CEP76: variants seen among roughly 807,000 people sequenced by gnomAD.
The protein encoded by CEP76 is centrosomal protein of 76 kDa.
Under a neutral mutation model 83.3 loss-of-function variants are expected in CEP76, and 55 were observed. The observed-to-expected ratio is 0.66, with a 90% CI of 0.53 to 0.83. The LOEUF (loss-of-function observed/expected upper bound fraction) is 0.83, where lower values mean the gene tolerates loss of function less well. Among genes scored for constraint, CEP76 ranks in the 40% least tolerant of loss-of-function variants. CEP76 has a pLI of 0.00. For missense variants in CEP76, 694 were observed against 799.5 expected, an observed-to-expected ratio of 0.87 and a Z score of 1.59; for synonymous variants, 270 against 274.5, an observed-to-expected ratio of 0.98 and a Z score of 0.16.
At chr18:12,669,865 C>T (rs1479084105), downstream of CEP76, among the ~76,000 whole-genome samples, 4 of 151,942 alleles carry the variant, frequency 2.6e-5, no homozygotes, top group East Asian at 1.9e-4. Context: ...AGTGTGGTGG[C>T]GCATGCCTGT....
intron 10 of CEP76, among the ~76,000 whole-genome samples, chr18:12,675,082 T>C (rs1416406863): frequency 6.6e-6 from 1 of 152,096 alleles, no homozygotes; most frequent in Non-Finnish European, 1.5e-5. Context: ...ATTCTTATAT[T>C]TTGAGATATT....
intron 6 of CEP76, among the ~76,000 whole-genome samples, chr18:12,694,910 T>A (rs887437778): frequency 7.4e-5 from 11 of 148,430 alleles, no homozygotes; most frequent in Middle Eastern, 7.1e-3. Context: ...AGAGGCGGGG[T>A]TTCACCGTGT....
At chr18:12,698,311 C>T (rs546251122) in intron 4 of CEP76, among the ~76,000 whole-genome samples, 2 of 152,000 alleles carry the variant, frequency 1.3e-5, no homozygotes, top group East Asian at 3.9e-4. Context: ...TCATTACACG[C>T]GCCTGCCACC....
intron 9 of CEP76, chr18:12,678,975 C>T (rs1473345251): frequency 2.0e-5 from 3 of 152,036 alleles, no homozygotes; most frequent in Admixed American, 6.6e-5. Flanking sequence ...AAGTTTGCCT[C>T]AGATAACATA....
At chr18:12,692,478 T>C (rs910177403) in intron 6 of CEP76, among the ~76,000 whole-genome samples, 7 of 152,140 alleles carry the variant, frequency 4.6e-5, no homozygotes, top group African/African-American at 1.7e-4. Flanking sequence ...CGGTCCTCCA[T>C]AGGGGCTTTT....
At chr18:12,680,573 G>C in intron 9 of CEP76, 89 bp downstream of exon 9, 1 of 992,964 alleles carries the variant, frequency 1.0e-6, no homozygotes, top group Non-Finnish European at 1.4e-6. Context: ...CTCCAGCCTG[G>C]GCGACAGAGC....
chr18:12,700,496 T>G (rs2145114554), intron 2 of CEP76: 2 of 153,962 alleles, frequency 1.3e-5, no homozygotes, highest in East Asian at 3.8e-4. Context: ...ATTATTGACC[T>G]ATTTGTATTA....
In CEP76 at chr18:12,673,436, C is replaced by T. The variant is rs1186610553; in HGVS notation, c.1909G>A (p.Val637Ile). ...CATGCAGATTCAGGGTAAGTAAATACTCGGACACGAACTGCCAGTCGCACT... is the reference window on the plus strand; with the variant it reads ...CATGCAGATTCAGGGTAAGTAAATATTCGGACACGAACTGCCAGTCGCACT... ...DQVRLAVRVR[V>I]FTYPESACAV... The change falls in exon 12 of 12, where the codon GTA (valine) becomes ATA (isoleucine). Residue 637 changes from valine (V) to isoleucine (I), a missense_variant. By Grantham distance (29) the Val-to-Ile change is conservative. Transcript: ENST00000262127. 2 of 1,600,058 alleles carry T rather than the reference C, an allele frequency of 1.2e-6. No individual in the cohort carries two copies. The highest frequency in any genetic ancestry group is 2.7e-5 in the African/African-American group (2 of 73,846).
At chr18:12,688,696 T>C (rs1407613450) in intron 7 of CEP76, among the ~76,000 whole-genome samples, 5 of 152,216 alleles carry the variant, frequency 3.3e-5, no homozygotes, top group Admixed American at 1.3e-4. Flanking sequence ...TTATGAGCTA[T>C]TTAAATTTTA....
chr18:12,688,181 A>G (rs192382790), intron 7 of CEP76, among the ~76,000 whole-genome samples: 89 of 146,790 alleles, frequency 6.1e-4, no homozygotes, highest in African/African-American at 2.1e-3. Flanking sequence ...CAGTGAGCCG[A>G]GATCGTGCCA....
chr18:12,698,189 A>T (rs1364756083), intron 4 of CEP76, among the ~76,000 whole-genome samples: 2 of 151,582 alleles, frequency 1.3e-5, no homozygotes, highest in African/African-American at 4.8e-5. Flanking sequence ...TATTTATAAA[A>T]ATTTATTAGA....
chr18:12,665,719 CAG>C (rs2038788607), intron 12 of CEP76, among the ~76,000 whole-genome samples: 1 of 152,056 alleles, frequency 6.6e-6, no homozygotes, highest in African/African-American at 2.4e-5. Flanking sequence ...TTTTTTGAGA[CAG>C]AGTCTTGCTC....
At chr18:12,662,903 C>T (rs2038725714) in intron 12 of CEP76, among the ~76,000 whole-genome samples, 1 of 152,180 alleles carries the variant, frequency 6.6e-6, no homozygotes. Context: ...TCACGTTTCA[C>T]CTACTTAATG....
At chr18:12,691,245 A>G in intron 7 of CEP76, 114 bp downstream of exon 7, 1 of 654,834 alleles carries the variant, frequency 1.5e-6, no homozygotes, top group Non-Finnish European at 2.4e-6. Flanking sequence ...TTATTTTACA[A>G]ATACACTTTT....
At position 12,691,120 on chromosome 18, in the gene CEP76, C is replaced by T. The variant is rs907612441; in HGVS notation, c.933+239G>A. Reference sequence around the variant, plus strand: ...TTTAAAACACAATAATTGATTCAACCTGAGAAAGGTGATTTTTCAAAAACC... The same window carrying T: ...TTTAAAACACAATAATTGATTCAACTTGAGAAAGGTGATTTTTCAAAAACC... On this transcript the variant is annotated intron_variant, in intron 7 of 11. Transcript: ENST00000262127. 10 of 366,618 alleles carry T rather than the reference C, an allele frequency of 2.7e-5. 1 individual carries two copies. The South Asian group carries it at 8.5e-4, about 31-fold the overall frequency. The allele number at this position is 366,618 out of a possible 1,614,324, so 22.7% of individuals were successfully genotyped here.
At chr18:12,663,767 TTGTG>T (rs2038747904) in intron 12 of CEP76, among the ~76,000 whole-genome samples, 2 of 152,222 alleles carry the variant, frequency 1.3e-5, no homozygotes, top group South Asian at 4.1e-4. Context: ...TCCTGATTGA[TTGTG>T]TGTATGTGTA....
chr18:12,675,248 G>A (rs897967237), intron 10 of CEP76, among the ~76,000 whole-genome samples: 1 of 151,918 alleles, frequency 6.6e-6, no homozygotes, highest in Non-Finnish European at 1.5e-5. Context: ...TACAAAAAAT[G>A]AGTTGGGCGT....
intron 5 of CEP76, 90 bp downstream of exon 5, chr18:12,697,133 G>T: frequency 1.0e-6 from 1 of 953,432 alleles, no homozygotes; most frequent in Non-Finnish European, 1.5e-6. Context: ...TTTCCCTCTT[G>T]GATTATAAAA....
intron 10 of CEP76, 35 bp from the exon 11 acceptor site, chr18:12,674,788 T>C (rs1300873612): frequency 7.2e-7 from 1 of 1,380,460 alleles, no homozygotes; most frequent in Non-Finnish European, 1.0e-6. Flanking sequence ...AAAAGTGAAA[T>C]ACATTAATAT....
Sources: gnomAD v4.1 joint callset for allele counts (sites outside exome capture counted in the v4.1 genomes callset) on GRCh38, gnomAD v4.1.1 for gene constraint, MANE v1.5 for transcripts, NCBI Gene and HGNC (gene_info 2026-07-23, HGNC 2026-07-21) for gene names.